Variants in WDPCP observed in about 807,000 individuals in gnomAD.
WDPCP encodes the protein WD repeat-containing and planar cell polarity effector protein fritz homolog.
A neutral mutation model predicts 93.1 loss-of-function variants in WDPCP; 71 were observed. The observed-to-expected ratio is 0.76, with a 90% CI of 0.63 to 0.93. The LOEUF is 0.93. Ranked by LOEUF, WDPCP falls within the 40% of genes least tolerant of loss-of-function variation. The pLI, the probability that WDPCP is intolerant of heterozygous loss-of-function variation, is 0.00. For missense variants in WDPCP, 844 were observed against 887.4 expected, an observed-to-expected ratio of 0.95 and a Z score of 0.62; for synonymous variants, 315 against 315.0, an observed-to-expected ratio of 1.00 and a Z score of 0.00.
chr2:63,224,309 G>A (rs1243182976), intron 14 of WDPCP, among the ~76,000 whole-genome samples: 1 of 152,034 alleles, frequency 6.6e-6, no homozygotes, highest in African/African-American at 2.4e-5. Flanking sequence ...AAATGGTACA[G>A]TCACTTTGGA....
chr2:63,600,604 C>G (rs887090115), intron 3 of WDPCP, among the ~76,000 whole-genome samples: 3 of 152,284 alleles, frequency 2.0e-5, no homozygotes, highest in Middle Eastern at 3.4e-3. Context: ...ATAGTAAATA[C>G]AAGAAAGGTT....
chr2:63,467,413 G>C (rs1418059758), intron 6 of WDPCP, among the ~76,000 whole-genome samples: 1 of 151,934 alleles, frequency 6.6e-6, no homozygotes, highest in Non-Finnish European at 1.5e-5. Context: ...CCAGGAGGTG[G>C]AGGTTGGAGT....
At chr2:63,643,264 T>C (rs549241249) in intron 3 of WDPCP, 34 of 343,676 alleles carry the variant, frequency 9.9e-5, no homozygotes, top group African/African-American at 7.0e-4. Context: ...CTAGAGACCA[T>C]TTCACCCACT....
chr2:63,416,271 T>C (rs1695411305), intron 9 of WDPCP, among the ~76,000 whole-genome samples: 1 of 151,716 alleles, frequency 6.6e-6, no homozygotes, highest in Non-Finnish European at 1.5e-5. Flanking sequence ...GCAATTTCCA[T>C]TCACTGCAAC....
chr2:63,724,646 T>C (rs1669472666), intron 2 of WDPCP, among the ~76,000 whole-genome samples: 1 of 152,136 alleles, frequency 6.6e-6, no homozygotes, highest in Non-Finnish European at 1.5e-5. Context: ...TAAAGCAAAA[T>C]TTAAGAGTGG....
chr2:63,391,825 C>A (rs949685732), intron 10 of WDPCP, among the ~76,000 whole-genome samples: 5 of 152,150 alleles, frequency 3.3e-5, no homozygotes, highest in African/African-American at 1.2e-4. Flanking sequence ...ATCAAACTTA[C>A]AAGGGATGTG....
intron 1 of WDPCP, among the ~76,000 whole-genome samples, chr2:63,561,763 T>A (rs1706647886): frequency 6.6e-6 from 1 of 152,052 alleles, no homozygotes. Flanking sequence ...AACAAACATG[T>A]GAACAAAAGC....
At chr2:63,469,348 G>T (rs1699551807) in intron 6 of WDPCP, among the ~76,000 whole-genome samples, 1 of 152,174 alleles carries the variant, frequency 6.6e-6, no homozygotes, top group South Asian at 2.1e-4. Flanking sequence ...CCATTACTGG[G>T]ATATACCCAA....
At chr2:63,454,910 A>C (rs574407785) in intron 6 of WDPCP, among the ~76,000 whole-genome samples, 2 of 152,306 alleles carry the variant, frequency 1.3e-5, no homozygotes, top group South Asian at 4.1e-4. Flanking sequence ...AATATAGTCA[A>C]ATTGCTGAAA....
At chr2:63,815,897 C>CT (rs71393330) in intron 1 of WDPCP, among the ~76,000 whole-genome samples, 32,510 of 147,014 alleles carry the variant, frequency 0.22, 4,743 homozygotes, top group East Asian at 0.76. Flanking sequence ...TTATTTTTTG[C>CT]TTTTTTTTTT....
intron 9 of WDPCP, among the ~76,000 whole-genome samples, chr2:63,427,658 T>C (rs750342180): frequency 2.0e-4 from 31 of 152,174 alleles, no homozygotes; most frequent in East Asian, 3.9e-4. Flanking sequence ...CAATCTAACA[T>C]TGCACCTAGA....
In WDPCP at chr2:63,597,639, T is replaced by G. The variant is rs1012897295; in HGVS notation, n.488+53020A>C. The G allele has an allele frequency of 3.0e-6, 4 of 1,312,958 alleles. No individual in the cohort carries two copies. The African/African-American group carries it at 4.5e-5, about 15-fold the overall frequency. The allele number at this position is 1,312,958 out of a possible 1,614,324, so 81.3% of individuals were successfully genotyped here. On this transcript the variant is annotated intron_variant and non_coding_transcript_variant, in intron 3 of 4. Transcript: ENST00000467687. Reference sequence around the variant, plus strand: ...CATTTGAAACTTATGCTTTTAGCATTTAAGCAAAACCAAAATTATTTGCCC... The same window carrying G: ...CATTTGAAACTTATGCTTTTAGCATGTAAGCAAAACCAAAATTATTTGCCC...
intron 15 of WDPCP, among the ~76,000 whole-genome samples, chr2:63,165,169 G>T (rs1672875026): frequency 1.3e-5 from 2 of 152,108 alleles, no homozygotes; most frequent in Non-Finnish European, 2.9e-5. Flanking sequence ...CTTTAAAAGA[G>T]AATTTAAAAA....
chr2:63,246,728 G>A (rs1680305623), intron 14 of WDPCP, among the ~76,000 whole-genome samples: 1 of 152,142 alleles, frequency 6.6e-6, no homozygotes, highest in Non-Finnish European at 1.5e-5. Flanking sequence ...GAAGGATTCT[G>A]TATGTCAAGT....
intron 2 of WDPCP, among the ~76,000 whole-genome samples, chr2:63,773,314 G>A (rs1362568507): frequency 6.6e-6 from 1 of 151,970 alleles, no homozygotes; most frequent in African/African-American, 2.4e-5. Flanking sequence ...TAAGCAATAT[G>A]TTGAATGAAA....
intron 1 of WDPCP, among the ~76,000 whole-genome samples, chr2:63,575,733 T>C (rs1708069938): frequency 6.6e-6 from 1 of 151,090 alleles, no homozygotes; most frequent in South Asian, 2.1e-4. Context: ...TAGAGACACA[T>C]ATAAAGTATA....
intron 3 of WDPCP, chr2:63,597,376 C>T (rs766547868): frequency 1.0e-5 from 14 of 1,343,792 alleles, no homozygotes; most frequent in South Asian, 4.9e-5. Context: ...AGTAGCTCTG[C>T]GTATTTATTG....
rs1471378067 is a variant in WDPCP at position 63,717,665 on chromosome 2, C to A, written n.309-66827G>T. On this transcript the variant is annotated intron_variant and non_coding_transcript_variant, in intron 2 of 4. Transcript: ENST00000467687. ...CTGCTCAACTGCACAAGATTCTGTC[C>A]AAAATCCTCTTAGAGCAGGGCAAGG... is the stretch of plus-strand genomic sequence containing the variant. The A allele has an allele frequency of 9.9e-6, 5 of 506,528 alleles. No individual in the cohort carries two copies. In the East Asian group the frequency reaches 2.8e-4, roughly 28 times the overall value. 31.4% of individuals were successfully genotyped at this position (506,528 alleles called of 1,614,324 possible). A position where few individuals can be genotyped will look rare whatever the true frequency, so the allele number is the denominator to read the frequency against.
At chr2:63,285,710 C>A (rs1226837677) in intron 13 of WDPCP, among the ~76,000 whole-genome samples, 1 of 152,088 alleles carries the variant, frequency 6.6e-6, no homozygotes, top group African/African-American at 2.4e-5. Context: ...ATAGTTGATG[C>A]AAACTCTGAA....
Sources: allele counts gnomAD v4.1 joint callset (sites outside exome capture counted in the v4.1 genomes callset), GRCh38; gene constraint gnomAD v4.1.1; transcripts MANE v1.5; gene names NCBI Gene and HGNC (gene_info 2026-07-23, HGNC 2026-07-21).